Variants in PRR16 observed in about 807,000 individuals in gnomAD.
PRR16 encodes the protein proline rich 16.
A neutral mutation model predicts 18.2 loss-of-function variants in PRR16; 6 were observed. That is an observed-to-expected ratio of 0.33 (90% CI 0.18 to 0.65). The LOEUF is 0.65. Among genes scored for constraint, PRR16 ranks in the 30% least tolerant of loss-of-function variants. The probability of loss-of-function intolerance (pLI) is 0.74; values close to 1 mark genes in which losing one functional copy is unlikely to be tolerated. For synonymous variants in PRR16, 151 were observed against 147.8 expected, an observed-to-expected ratio of 1.02 and a Z score of -0.16; for missense variants, 412 against 376.6, an observed-to-expected ratio of 1.09 and a Z score of -0.78.
chr5:120,699,541 C>G, the PRR16 span, among the ~76,000 whole-genome samples: 15 of 151,954 alleles, frequency 9.9e-5, no homozygotes, highest in African/African-American at 3.4e-4. Context: ...CTGAAGGAGC[C>G]AGGAAGCAGA....
At chr5:120,674,526 T>C (rs905274805) in intron 1 of PRR16, among the ~76,000 whole-genome samples, 1 of 152,266 alleles carries the variant, frequency 6.6e-6, no homozygotes, top group Non-Finnish European at 1.5e-5. Context: ...TGTCTTTCAC[T>C]GTCTATTCCT....
chr5:120,561,935 T>C (rs776806845), intron 1 of PRR16, among the ~76,000 whole-genome samples: 1 of 152,184 alleles, frequency 6.6e-6, no homozygotes, highest in Non-Finnish European at 1.5e-5. Flanking sequence ...CTTCCTAGCC[T>C]CAGATCTGTC....
At chr5:120,533,536 A>T (rs1281037810) in intron 1 of PRR16, among the ~76,000 whole-genome samples, 1 of 152,300 alleles carries the variant, frequency 6.6e-6, no homozygotes, top group East Asian at 1.9e-4. Context: ...TGTGGAAAAG[A>T]TGATACTTGA....
chr5:120,520,190 G>A (rs561568483), intron 1 of PRR16, among the ~76,000 whole-genome samples: 9 of 152,220 alleles, frequency 5.9e-5, no homozygotes, highest in East Asian at 1.9e-4. Flanking sequence ...GATGTCAGGC[G>A]TTCGAGACCA....
At chr5:120,764,367 A>G in the PRR16 span, among the ~76,000 whole-genome samples, 1 of 151,868 alleles carries the variant, frequency 6.6e-6, no homozygotes, top group Non-Finnish European at 1.5e-5. Flanking sequence ...ACATTTATCA[A>G]TTTGTCTATG....
At chr5:120,529,323 AG>A (rs1238336706) in intron 1 of PRR16, among the ~76,000 whole-genome samples, 1 of 152,168 alleles carries the variant, frequency 6.6e-6, no homozygotes, top group African/African-American at 2.4e-5. Flanking sequence ...GCGGAGGCAC[AG>A]GGGGATAGTA....
the PRR16 span, among the ~76,000 whole-genome samples, chr5:120,756,788 C>T: frequency 2.0e-5 from 3 of 151,964 alleles, no homozygotes; most frequent in Non-Finnish European, 4.4e-5. Flanking sequence ...TGCAGAAGCT[C>T]TTTAGTTTAA....
Position 120,595,574 on chromosome 5 carries a change from A to G in PRR16, c.160-90380A>G, listed in dbSNP as rs76155343. ...AGGGAGAAGATTAGTAAAAATAACT[A>G]TTGGGTTATATGCTTAGTACCTGAG... On this transcript the variant is annotated intron_variant, in intron 1 of 1. Transcript: ENST00000407149. 4.6e-3 allele frequency among the ~76,000 whole-genome samples: 695 copies of G among 151,914 alleles called. 5 individuals are homozygous for G. Among genetic ancestry groups the G allele is most frequent in the African/African-American group, 0.016 (669 of 41,508 alleles).
chr5:120,600,673 C>T (rs765447196), intron 1 of PRR16, among the ~76,000 whole-genome samples: 12 of 151,790 alleles, frequency 7.9e-5, no homozygotes, highest in African/African-American at 1.9e-4. Flanking sequence ...TTTCATCACC[C>T]GGATAGTGAG....
At chr5:120,585,153 C>T (rs921768696) in intron 1 of PRR16, among the ~76,000 whole-genome samples, 6 of 152,186 alleles carry the variant, frequency 3.9e-5, no homozygotes, top group African/African-American at 1.2e-4. Context: ...TATGTCAATT[C>T]CAACTATATG....
rs77398561 is a variant in PRR16, at chr5:120,620,267, C to G, written c.160-65687C>G. Among the ~76,000 whole-genome samples the G allele has an allele frequency of 4.2e-3, 641 of 152,144 alleles. 3 individuals carry two copies. The highest frequency in any genetic ancestry group is 0.015 in the African/African-American group (615 of 41,538). ...AGAGTGACCTTGAATATTATAACAGCAAAGAATTATGGAGCATTGTAACAC... is the reference window on the plus strand; with the variant it reads ...AGAGTGACCTTGAATATTATAACAGGAAAGAATTATGGAGCATTGTAACAC... On this transcript the variant is annotated intron_variant, in intron 1 of 1. Transcript: ENST00000407149.
the PRR16 span, among the ~76,000 whole-genome samples, chr5:120,774,566 T>C: frequency 6.6e-6 from 1 of 152,238 alleles, no homozygotes; most frequent in African/African-American, 2.4e-5. Flanking sequence ...TCTCTGTTTC[T>C]CAACCCCAAT....
At chr5:120,472,454 C>T (rs949554362) in intron 1 of PRR16, among the ~76,000 whole-genome samples, 1 of 151,952 alleles carries the variant, frequency 6.6e-6, no homozygotes, top group Non-Finnish European at 1.5e-5. Flanking sequence ...ATCACAAACC[C>T]CTTTGAAAAA....
intron 1 of PRR16, among the ~76,000 whole-genome samples, chr5:120,505,946 G>GTGTGTA (rs1554079110): frequency 7.1e-6 from 1 of 141,306 alleles, no homozygotes; most frequent in African/African-American, 2.6e-5. Flanking sequence ...GTGTGTGTGT[G>GTGTGTA]TATATATATA....
At position 120,549,316 on chromosome 5, in the gene PRR16, G is replaced by T. The variant is rs185045645; in HGVS notation, c.159+84671G>T. 3.3e-5 allele frequency among the ~76,000 whole-genome samples: 5 copies of T among 152,086 alleles called. No individual in the cohort carries two copies. In the East Asian group the frequency reaches 9.7e-4, roughly 29 times the overall value. On this transcript the variant is annotated intron_variant, in intron 1 of 1. Coordinates refer to ENST00000407149, the MANE Select transcript of PRR16 (RefSeq NM_001300783.2). ...CATATCGCCATGGTCTTAAACTCCTGGGCACAAGCCTTGACCTCTCAAAGT... is the reference window on the plus strand; with the variant it reads ...CATATCGCCATGGTCTTAAACTCCTTGGCACAAGCCTTGACCTCTCAAAGT...
the PRR16 span, among the ~76,000 whole-genome samples, chr5:120,737,307 GTTTTTTTTTTTTTTTTT>G: frequency 5.9e-5 from 3 of 51,088 alleles, no homozygotes; most frequent in Admixed American, 2.9e-4. Flanking sequence ...AGTTTGTTGA[GTTTTTTTTTTTTTTTTT>G]TTTTTTTTTT....
chr5:120,599,986 T>C (rs1217817366), intron 1 of PRR16, among the ~76,000 whole-genome samples: 3 of 151,922 alleles, frequency 2.0e-5, no homozygotes, highest in African/African-American at 7.2e-5. Flanking sequence ...ATCCTCTGTA[T>C]AGTTTTAAGC....
At chr5:120,787,893 CCT>C in the PRR16 span, among the ~76,000 whole-genome samples, 1 of 151,992 alleles carries the variant, frequency 6.6e-6, no homozygotes, top group South Asian at 2.1e-4. Context: ...GACACCCTGT[CCT>C]CTGTCAAGCT....
chr5:120,715,553 C>G, the PRR16 span, among the ~76,000 whole-genome samples: 2 of 152,236 alleles, frequency 1.3e-5, 1 homozygote, highest in Non-Finnish European at 2.9e-5. Context: ...TGTGTGTTAA[C>G]AAACTCCTTA....
Sources: gnomAD v4.1 joint callset for allele counts (sites outside exome capture counted in the v4.1 genomes callset) on GRCh38, gnomAD v4.1.1 for gene constraint, MANE v1.5 for transcripts, NCBI Gene and HGNC (gene_info 2026-07-23, HGNC 2026-07-21) for gene names.